The following DPH6 variants were observed in gnomAD, a reference collection of about 807,000 sequenced individuals.
DPH6 encodes diphthamine biosynthesis 6.
A neutral mutation model predicts 38.2 loss-of-function variants in DPH6; 33 were observed. The observed-to-expected ratio is 0.86, with a 90% CI of 0.65 to 1.15. The LOEUF (loss-of-function observed/expected upper bound fraction) is 1.15, where lower values mean the gene tolerates loss of function less well. Among genes scored for constraint, DPH6 ranks in the 50% most tolerant of loss-of-function variants. The pLI, the probability that DPH6 is intolerant of heterozygous loss-of-function variation, is 0.00. For missense variants in DPH6, 325 were observed against 320.0 expected (o/e 1.02, Z -0.12); for synonymous variants, 108 against 103.0 (o/e 1.05, Z -0.30).
chr15:35,366,264 A>G (rs866174017), downstream of DPH6, among the ~76,000 whole-genome samples: 734 of 115,320 alleles, frequency 6.4e-3, 1 homozygote, highest in African/African-American at 0.03. Flanking sequence ...GTGTGTGTGT[A>G]TACATATAAA....
chr15:35,284,444 T>C (rs1031216947), intron 3 of DPH6, among the ~76,000 whole-genome samples: 1 of 152,008 alleles, frequency 6.6e-6, no homozygotes, highest in Admixed American at 6.6e-5. Context: ...GACTAATAGA[T>C]TGCAAAAATT....
At chr15:35,376,840 T>C (rs1188826494) in intron 7 of DPH6, among the ~76,000 whole-genome samples, 2 of 152,198 alleles carry the variant, frequency 1.3e-5, no homozygotes, top group Non-Finnish European at 2.9e-5. Context: ...AGGTATGTAG[T>C]AGGCTATACC....
chr15:35,253,594 C>G (rs1566851237), intron 3 of DPH6, among the ~76,000 whole-genome samples: 1 of 152,182 alleles, frequency 6.6e-6, no homozygotes, highest in African/African-American at 2.4e-5. Flanking sequence ...TTTCAAAACT[C>G]TAAGTAATAC....
At chr15:35,433,138 A>G (rs1238904060) in intron 5 of DPH6, among the ~76,000 whole-genome samples, 3 of 152,234 alleles carry the variant, frequency 2.0e-5, no homozygotes, top group Non-Finnish European at 4.4e-5. Context: ...ACAAATGTCA[A>G]ATTCATTGTT....
chr15:35,475,706 C>A (rs1029482901), intron 3 of DPH6, among the ~76,000 whole-genome samples: 6 of 151,346 alleles, frequency 4.0e-5, no homozygotes, highest in African/African-American at 1.5e-4. Flanking sequence ...AGTTTAATAT[C>A]CTTAATTTCC....
chr15:35,431,706 G>C (rs2053634149), intron 5 of DPH6, among the ~76,000 whole-genome samples: 1 of 152,104 alleles, frequency 6.6e-6, no homozygotes, highest in Non-Finnish European at 1.5e-5. Flanking sequence ...AAATTGAAAA[G>C]TCTAAGGAGA....
chr15:35,473,398 G>A (rs370282301), intron 3 of DPH6, among the ~76,000 whole-genome samples: 1 of 152,038 alleles, frequency 6.6e-6, no homozygotes, highest in Non-Finnish European at 1.5e-5. Context: ...CTTTCATTAA[G>A]GGAATGAAAG....
chr15:35,228,178 A>G (rs2051495121), intron 3 of DPH6, among the ~76,000 whole-genome samples: 1 of 152,224 alleles, frequency 6.6e-6, no homozygotes, highest in Non-Finnish European at 1.5e-5. Context: ...GCATAAACAA[A>G]CAAACAAAAA....
rs554573503 is a variant in DPH6 at position 35,401,688 on chromosome 15, T to C, written c.567+9147A>G. On this transcript the variant is annotated intron_variant, in intron 6 of 8. Coordinates refer to ENST00000256538, the MANE Select transcript of DPH6 (RefSeq NM_080650.4). ...TGGCTCCTATGGTGTTGGAGGCCAATACTTTGCCAAACCACGACACCAAGG... is the reference window on the plus strand; with the variant it reads ...TGGCTCCTATGGTGTTGGAGGCCAACACTTTGCCAAACCACGACACCAAGG... 2.1e-3 allele frequency: 1,531 copies of C among 742,568 alleles called. 6 individuals are homozygous for C. Among genetic ancestry groups the C allele is most frequent in the Non-Finnish European group, 2.5e-3 (1,014 of 403,914 alleles). 46.0% of individuals were successfully genotyped at this position (742,568 alleles called of 1,614,324 possible).
intron 3 of DPH6, among the ~76,000 whole-genome samples, chr15:35,310,257 T>C (rs1466551541): frequency 3.3e-5 from 5 of 152,202 alleles, no homozygotes; most frequent in African/African-American, 1.2e-4. Context: ...GCATTCCCCA[T>C]GCTGTCCTCT....
At chr15:35,253,260 G>A (rs949105224) in intron 3 of DPH6, among the ~76,000 whole-genome samples, 2 of 152,178 alleles carry the variant, frequency 1.3e-5, no homozygotes, top group African/African-American at 4.8e-5. Context: ...ACAGTAGGTT[G>A]TGGAAAGCAT....
intron 3 of DPH6, among the ~76,000 whole-genome samples, chr15:35,485,095 A>T (rs527291278): frequency 5.2e-4 from 79 of 152,344 alleles, no homozygotes; most frequent in African/African-American, 1.9e-3. Context: ...TTCTTCCAAC[A>T]ATTCTCTGTG....
chr15:35,249,766 T>C (rs531253213), intron 3 of DPH6, among the ~76,000 whole-genome samples: 9 of 152,324 alleles, frequency 5.9e-5, no homozygotes, highest in African/African-American at 1.9e-4. Flanking sequence ...GTTTGTGTGA[T>C]ATGTTAGAGA....
chr15:35,408,726 A>G (rs2053327101), intron 6 of DPH6, among the ~76,000 whole-genome samples: 1 of 151,974 alleles, frequency 6.6e-6, no homozygotes, highest in African/African-American at 2.4e-5. Flanking sequence ...ACTGGTAAAT[A>G]AGGACTAAGA....
chr15:35,321,538 C>G (rs1170703986), intron 3 of DPH6, among the ~76,000 whole-genome samples: 1 of 152,198 alleles, frequency 6.6e-6, no homozygotes, highest in African/African-American at 2.4e-5. Flanking sequence ...GGGAGAACTT[C>G]TGTGGTTTTG....
At chr15:35,273,633 C>T (rs556995110) in intron 3 of DPH6, among the ~76,000 whole-genome samples, 71 of 152,212 alleles carry the variant, frequency 4.7e-4, no homozygotes, top group African/African-American at 1.6e-3. Context: ...GAGCCAAATC[C>T]TGAGTGAACT....
chr15:35,365,683 G>A (rs775291684), intron 3 of DPH6: 4 of 684,302 alleles, frequency 5.8e-6, no homozygotes, highest in Non-Finnish European at 7.2e-6. Context: ...CTCTTGCATT[G>A]CCCAGTTTGA....
the DPH6 span, among the ~76,000 whole-genome samples, chr15:35,173,712 G>T: frequency 7.2e-5 from 11 of 151,794 alleles, no homozygotes; most frequent in Admixed American, 6.6e-4. Flanking sequence ...CAGCCATGTC[G>T]AATTAACAGC....
chr15:35,489,251 G>C, intron 3 of DPH6: 1 of 791,016 alleles, frequency 1.3e-6, no homozygotes. Context: ...TTTACCATGT[G>C]ATCTGGGGAT....
Sources: allele counts gnomAD v4.1 joint callset (sites outside exome capture counted in the v4.1 genomes callset), GRCh38; gene constraint gnomAD v4.1.1; transcripts MANE v1.5; gene names NCBI Gene and HGNC (gene_info 2026-07-23, HGNC 2026-07-21).